Variants in ALDH6A1 observed in about 807,000 individuals in gnomAD.
The protein encoded by ALDH6A1 is methylmalonate-semialdehyde/malonate-semialdehyde dehydrogenase [acylating], mitochondrial.
A neutral mutation model predicts 62.6 loss-of-function variants in ALDH6A1; 43 were observed. The ratio of observed to expected loss-of-function variants is 0.69; its 90% CI spans 0.54 to 0.89. ALDH6A1 has a LOEUF of 0.89. Ranked by LOEUF, ALDH6A1 falls within the 40% of genes least tolerant of loss-of-function variation. The pLI is 0.00. For synonymous variants in ALDH6A1, 194 were observed against 234.2 expected, an observed-to-expected ratio of 0.83 and a Z score of 1.57; for missense variants, 551 against 661.3, an observed-to-expected ratio of 0.83 and a Z score of 1.83.
At chr14:74,076,239 C>T (rs1417136159) in intron 1 of ALDH6A1, among the ~76,000 whole-genome samples, 2 of 152,044 alleles carry the variant, frequency 1.3e-5, no homozygotes, top group Non-Finnish European at 2.9e-5. Flanking sequence ...GCCATAGGTA[C>T]ATTAAAGGAA....
intron 2 of ALDH6A1, among the ~76,000 whole-genome samples, chr14:74,073,001 T>C (rs980868913): frequency 1.3e-5 from 2 of 152,240 alleles, no homozygotes; most frequent in African/African-American, 2.4e-5. Context: ...GGTTTCACCA[T>C]GTCGGCCAGA....
In ALDH6A1 at chr14:74,066,815, C is replaced by T; in HGVS notation, c.1114G>A (p.Asp372Asn). The T allele has an allele frequency of 6.2e-7, 1 of 1,614,048 alleles. No homozygotes were observed. The highest frequency in any genetic ancestry group is 8.5e-7 in the Non-Finnish European group (1 of 1,179,980). The change falls in exon 9 of 12, where the codon GAT becomes AAT. Residue 372 changes from aspartate to asparagine, a missense_variant. Transcript: ENST00000553458. ...GAAGCTCCCTCCTTTGTTCCACTAT[C>T]AATCAGATTACAGACTCGCTCTTTG... ...QAKERVCNLIDSGTKEGASIL... is the reference protein window; with the variant it reads ...QAKERVCNLINSGTKEGASIL...
At chr14:74,060,964 T>C (rs763334318) in intron 11 of ALDH6A1, among the ~76,000 whole-genome samples, 7 of 152,016 alleles carry the variant, frequency 4.6e-5, no homozygotes, top group Non-Finnish European at 1.0e-4. Flanking sequence ...ATCATTATTA[T>C]GCTGAAACTA....
chr14:74,077,014 G>A (rs1479651295), intron 1 of ALDH6A1, among the ~76,000 whole-genome samples: 1 of 152,196 alleles, frequency 6.6e-6, no homozygotes, highest in African/African-American at 2.4e-5. Context: ...CATGAAGGGT[G>A]CCTGCAGCAC....
chr14:74,072,598 A>T lies in ALDH6A1; in HGVS notation c.125T>A (p.Leu42His), dbSNP rs1264809254. The change falls in exon 3 of 12, where the codon CTC (leucine) becomes CAC (histidine). Residue 42 changes from leucine to histidine, a missense_variant. Coordinates refer to ENST00000553458, the MANE Select transcript of ALDH6A1 (RefSeq NM_005589.4). ...SFSSSVPTVKLFIGGKFVESK... is the reference protein window; with the variant it reads ...SFSSSVPTVKHFIGGKFVESK... ...TTCAACGAATTTCCCACCAATGAAG[A>T]GCTTTACAGTTGGCTGAAAAAAACA... The T allele has an allele frequency of 6.2e-7, 1 of 1,613,826 alleles. No homozygotes were observed. The highest frequency in any genetic ancestry group is 8.5e-7 in the Non-Finnish European group (1 of 1,180,014).
intron 1 of ALDH6A1, among the ~76,000 whole-genome samples, chr14:74,080,614 AT>A (rs967873939): frequency 7.3e-5 from 11 of 151,332 alleles, no homozygotes; most frequent in East Asian, 3.9e-4. Flanking sequence ...ATTAAAAAAA[AT>A]TTTTTTTTGT....
chr14:74,063,327 T>C (rs9652371), intron 11 of ALDH6A1, among the ~76,000 whole-genome samples: 78,518 of 151,158 alleles, frequency 0.52, 21,040 homozygotes, highest in East Asian at 0.89. Context: ...GCTGGGATTA[T>C]AGGCACCTGC....
chr14:74,080,383 T>TTC (rs1413800207), intron 1 of ALDH6A1, among the ~76,000 whole-genome samples: 1 of 150,928 alleles, frequency 6.6e-6, no homozygotes, highest in African/African-American at 2.4e-5. Flanking sequence ...TTTTTTTTTT[T>TTC]TTGAGACAGA....
intron 11 of ALDH6A1, among the ~76,000 whole-genome samples, chr14:74,064,312 T>TA (rs917245830): frequency 3.2e-4 from 38 of 119,216 alleles, no homozygotes; most frequent in African/African-American, 1.1e-3. Context: ...AAAAAAAAAA[T>TA]AATAATAATA....
chr14:74,084,197 G>T, intron 1 of ALDH6A1, 150 bp downstream of exon 1: 1 of 1,187,000 alleles, frequency 8.4e-7, no homozygotes, highest in Non-Finnish European at 1.2e-6. Flanking sequence ...GTGAGGGCTG[G>T]GCATGGGACA....
At position 74,072,258 on chromosome 14, in the gene ALDH6A1, A is replaced by T. The variant is rs2060560797; in HGVS notation, c.293T>A (p.Val98Glu). The part of the protein sequence containing the change: ...RAFPAWADTS[V>E]LSRQQVLLRY... ...GAGCAAGACCTGCTGGCGGCTTAAT[A>T]CTGAAGTGTCTGCCCATGCAGGAAA... Residue 98 changes from valine (V) to glutamate (E), a missense_variant, in exon 4 of 12, where the codon GTA (valine) becomes GAA (glutamate). Transcript: ENST00000553458. 1 of 1,614,118 alleles carries T rather than the reference A, an allele frequency of 6.2e-7. No individual in the cohort carries two copies. Among genetic ancestry groups the T allele is most frequent in the African/African-American group, 1.3e-5 (1 of 74,944 alleles).
chr14:74,061,136 C>A (rs1368707618), intron 11 of ALDH6A1, among the ~76,000 whole-genome samples: 1 of 151,624 alleles, frequency 6.6e-6, no homozygotes, highest in Non-Finnish European at 1.5e-5. Context: ...TGCTACCACG[C>A]CTGGCTAATT....
chr14:74,072,761 A>C (rs1226339841), intron 2 of ALDH6A1, 150 bp from the exon 3 acceptor site: 1 of 893,576 alleles, frequency 1.1e-6, no homozygotes, highest in Non-Finnish European at 1.7e-6. Context: ...ACCACTAGGA[A>C]AGAGACACAT....
At chr14:74,077,368 T>G (rs1393225584) in intron 1 of ALDH6A1, among the ~76,000 whole-genome samples, 1 of 152,204 alleles carries the variant, frequency 6.6e-6, no homozygotes. Flanking sequence ...CCGTTTTGTG[T>G]TGCTATAACA....
At position 74,079,133 on chromosome 14, in the gene ALDH6A1, C is replaced by T. The variant is rs572937632; in HGVS notation, c.49-4116G>A. 2.0e-3 allele frequency among the ~76,000 whole-genome samples: 306 copies of T among 151,826 alleles called. 1 individual carries two copies. The highest frequency in any genetic ancestry group is 3.7e-3 in the Non-Finnish European group (250 of 68,008). On this transcript the variant is annotated intron_variant, in intron 1 of 11. Transcript: ENST00000553458. ...AGTATTTTCCTCTTCAGGTGATACC[C>T]ACGTAATTATCTTTACCACATCTCT...
intron 1 of ALDH6A1, among the ~76,000 whole-genome samples, chr14:74,083,811 G>A (rs1304524858): frequency 1.3e-5 from 2 of 152,180 alleles, no homozygotes; most frequent in Non-Finnish European, 2.9e-5. Flanking sequence ...AAAATCTAGA[G>A]TCCACCTCTA....
intron 1 of ALDH6A1, among the ~76,000 whole-genome samples, chr14:74,082,383 C>T (rs1378258204): frequency 1.4e-5 from 2 of 144,100 alleles, no homozygotes; most frequent in Non-Finnish European, 3.0e-5. Flanking sequence ...TCATGGCTGC[C>T]AAAATCGAGG....
intron 7 of ALDH6A1, 73 bp from the exon 8 acceptor site, chr14:74,067,642 A>G: frequency 6.5e-7 from 1 of 1,527,140 alleles, no homozygotes; most frequent in African/African-American, 1.4e-5. Flanking sequence ...TAAGCAGTGG[A>G]CCAGGTGTGG....
chr14:74,057,691 A>T lies in ALDH6A1; in HGVS notation c.*2951T>A. ...TCTCTTTAAGAGTTTTTAATTTATAATTTGTTATTCATAATTAGTACAATG... is the reference window on the plus strand; with the variant it reads ...TCTCTTTAAGAGTTTTTAATTTATATTTTGTTATTCATAATTAGTACAATG... On this transcript the variant is annotated 3_prime_UTR_variant, in exon 12 of 12. Coordinates refer to ENST00000553458, the MANE Select transcript of ALDH6A1 (RefSeq NM_005589.4). The T allele has an allele frequency of 7.9e-7, 1 of 1,272,374 alleles. No homozygotes were observed. The highest frequency in any genetic ancestry group is 1.0e-6 in the Non-Finnish European group (1 of 988,384). The allele number at this position is 1,272,374 out of a possible 1,614,324, so 78.8% of individuals were successfully genotyped here.
Sources: allele counts gnomAD v4.1 joint callset (sites outside exome capture counted in the v4.1 genomes callset), GRCh38; gene constraint gnomAD v4.1.1; transcripts MANE v1.5; gene names NCBI Gene and HGNC (gene_info 2026-07-23, HGNC 2026-07-21).